Variants in CELA2B observed in about 807,000 individuals in gnomAD.
CELA2B encodes chymotrypsin-like elastase family member 2B.
A neutral mutation model predicts 36.5 loss-of-function variants in CELA2B; 27 were observed. The ratio of observed to expected loss-of-function variants is 0.74; its 90% CI spans 0.55 to 1.02. The LOEUF is 1.02. CELA2B is among the 50% of genes least tolerant of loss of function. The probability of loss-of-function intolerance (pLI) is 0.00; values close to 1 mark genes in which losing one functional copy is unlikely to be tolerated. For missense variants in CELA2B, 340 were observed against 347.8 expected (o/e 0.98, Z 0.18); for synonymous variants, 143 against 148.5 (o/e 0.96, Z 0.27).
chr1:15,478,027 G>A (rs1238536005), intron 2 of CELA2B, among the ~76,000 whole-genome samples: 1 of 151,988 alleles, frequency 6.6e-6, no homozygotes, highest in African/African-American at 2.4e-5. Flanking sequence ...GGCCAGGCGT[G>A]GTGGCTCAGG....
intron 2 of CELA2B, among the ~76,000 whole-genome samples, chr1:15,480,455 G>C (rs1441406247): frequency 3.3e-5 from 5 of 152,126 alleles, no homozygotes. Flanking sequence ...CTGAGACTGG[G>C]TAATTTATAA....
intron 5 of CELA2B, 97 bp downstream of exon 5, chr1:15,483,497 A>C: frequency 3.8e-6 from 6 of 1,576,546 alleles, no homozygotes; most frequent in Non-Finnish European, 4.3e-6. Context: ...TATCCTGGGC[A>C]TGTGGCTGCC....
Position 15,482,273 on chromosome 1 carries a change from G to T in CELA2B, c.236G>T (p.Gly79Val), listed in dbSNP as rs754383761. Residue 79 changes from glycine to valine, a missense_variant, in exon 4 of 8, where the codon GGG becomes GTG. Transcript: ENST00000375910. ...GGACCCCTTTCTCCCAGCTCCTCCG[G>T]GATCTACCGCGTGATGCTGGGCCAG... ...LTAAHCISSS[G>V]IYRVMLGQHN... 6.2e-7 allele frequency: 1 copy of T among 1,613,830 alleles called. No homozygotes were observed. The highest frequency in any genetic ancestry group is 8.5e-7 in the Non-Finnish European group (1 of 1,179,850).
chr1:15,489,596 C>T (rs1057117470), intron 7 of CELA2B, among the ~76,000 whole-genome samples: 2 of 152,104 alleles, frequency 1.3e-5, no homozygotes, highest in Admixed American at 1.3e-4. Context: ...TGGATAAACC[C>T]AGACAGGTGA....
intron 7 of CELA2B, among the ~76,000 whole-genome samples, chr1:15,490,047 T>A (rs1373866277): frequency 6.6e-6 from 1 of 152,164 alleles, no homozygotes; most frequent in African/African-American, 2.4e-5. Context: ...CTAATTTTTG[T>A]ATTTTTAGTA....
At chr1:15,483,702 C>T (rs1406017908) in intron 5 of CELA2B, among the ~76,000 whole-genome samples, 2 of 152,136 alleles carry the variant, frequency 1.3e-5, no homozygotes, top group African/African-American at 4.8e-5. Context: ...CCGAGACGAG[C>T]AGATCACTTG....
intron 7 of CELA2B, among the ~76,000 whole-genome samples, chr1:15,490,665 C>G (rs575703937): frequency 6.6e-6 from 1 of 151,980 alleles, no homozygotes; most frequent in Non-Finnish European, 1.5e-5. Flanking sequence ...GTCAGCAGTT[C>G]GAGACCAGCC....
intron 4 of CELA2B, 70 bp downstream of exon 4, chr1:15,482,463 A>G (rs775532639): frequency 2.1e-5 from 33 of 1,600,024 alleles, no homozygotes; most frequent in Non-Finnish European, 2.5e-5. Flanking sequence ...ACAGAGGCAA[A>G]GGTCTCAACC....
At chr1:15,480,126 T>A (rs1374842242) in intron 2 of CELA2B, among the ~76,000 whole-genome samples, 1 of 152,052 alleles carries the variant, frequency 6.6e-6, no homozygotes, top group Non-Finnish European at 1.5e-5. Flanking sequence ...GAGACTAGAA[T>A]GATCATCGAG....
Position 15,486,035 on chromosome 1 carries a change from T to G in CELA2B, c.628T>G (p.Cys210Gly). The change falls in exon 6 of 8, where the codon TGC (cysteine) becomes GGC (glycine). Residue 210 changes from cysteine (C) to glycine (G), a missense_variant. Transcript: ENST00000375910. ...MICAGGDGVI[C>G]TCNGDSGGPL... ...CTGTGCTGGGGGTGATGGCGTGATATGCACCTGCAACGTGAGTACCAAAAA... is the reference window on the plus strand; with the variant it reads ...CTGTGCTGGGGGTGATGGCGTGATAGGCACCTGCAACGTGAGTACCAAAAA... The G allele has an allele frequency of 6.2e-7, 1 of 1,613,668 alleles. No individual in the cohort carries two copies. The highest frequency in any genetic ancestry group is 8.5e-7 in the Non-Finnish European group (1 of 1,179,680).
intron 3 of CELA2B, chr1:15,481,748 G>A (rs756531587): frequency 7.2e-5 from 34 of 469,582 alleles, no homozygotes; most frequent in African/African-American, 2.4e-4. Context: ...AGTTTCTGCC[G>A]GGTCAGTGTG....
chr1:15,489,904 C>A (rs1329150059), intron 7 of CELA2B, among the ~76,000 whole-genome samples: 1 of 151,988 alleles, frequency 6.6e-6, no homozygotes, highest in African/African-American at 2.4e-5. Flanking sequence ...AATGGAGTCT[C>A]GCTCTGTTGC....
chr1:15,482,374 TCCGA>T lies in CELA2B; in HGVS notation c.340_343del (p.Asp114ArgfsTer59). On this transcript the variant is annotated frameshift_variant, in exon 4 of 8. Transcript: ENST00000375910. LOFTEE classifies it high-confidence loss of function. The stretch of plus-strand genomic sequence containing the variant: ...GATTGTGGTGCACAAGGACTGGAAC[TCCGA>T]CCAGGTCTCCAAAGGGTTCGTTTCT... The T allele has an allele frequency of 6.2e-7, 1 of 1,614,118 alleles. No individual in the cohort carries two copies. The highest frequency in any genetic ancestry group is 8.5e-7 in the Non-Finnish European group (1 of 1,180,000).
At chr1:15,486,118 C>A (rs1708801759) in intron 6 of CELA2B, 72 bp downstream of exon 6, 1 of 1,563,688 alleles carries the variant, frequency 6.4e-7, no homozygotes. Context: ...CTATGGAAAA[C>A]CATCCCTCCA....
chr1:15,480,011 T>A (rs1247816957), intron 2 of CELA2B, among the ~76,000 whole-genome samples: 1 of 152,172 alleles, frequency 6.6e-6, no homozygotes, highest in Admixed American at 6.5e-5. Context: ...GGGGAGCCAC[T>A]GGAGAGTCTG....
rs1470949849 is a variant in CELA2B at position 15,487,346 on chromosome 1, T to C, written c.701T>C (p.Ile234Thr). ...ASDGRWEVHG[I>T]GSLTSVLGCN... ...GACGGCCGGTGGGAGGTGCATGGCA[T>C]CGGCAGCCTCACGTCGGTCCTTGGT... Residue 234 changes from isoleucine (I) to threonine (T), a missense_variant, in exon 7 of 8, where the codon ATC becomes ACC. Ile to Thr is a moderately conservative substitution (Grantham distance 89, BLOSUM62 -1). Coordinates refer to ENST00000375910, the MANE Select transcript of CELA2B (RefSeq NM_015849.3). 1 of 1,614,188 alleles carries C rather than the reference T, an allele frequency of 6.2e-7. No homozygotes were observed. Among genetic ancestry groups the C allele is most frequent in the East Asian group, 2.2e-5 (1 of 44,878 alleles).
chr1:15,489,126 G>A (rs1187867380), intron 7 of CELA2B, among the ~76,000 whole-genome samples: 12 of 152,188 alleles, frequency 7.9e-5, no homozygotes, highest in African/African-American at 1.2e-4. Context: ...TCCTAAGACC[G>A]TTTTCCAGCC....
chr1:15,487,529 C>T, intron 7 of CELA2B, 92 bp downstream of exon 7: 1 of 1,513,382 alleles, frequency 6.6e-7, no homozygotes, highest in Non-Finnish European at 9.1e-7. Context: ...AGAACCCCCT[C>T]CTTCCTCTTG....
chr1:15,488,846 C>T (rs1708838297), intron 7 of CELA2B, among the ~76,000 whole-genome samples: 1 of 152,204 alleles, frequency 6.6e-6, no homozygotes, highest in South Asian at 2.1e-4. Context: ...TCCAAGTGTT[C>T]CCATTGATTC....
Sources: allele counts gnomAD v4.1 joint callset (sites outside exome capture counted in the v4.1 genomes callset), GRCh38; gene constraint gnomAD v4.1.1; transcripts MANE v1.5; gene names NCBI Gene and HGNC (gene_info 2026-07-23, HGNC 2026-07-21).